The following ACER1 variants were observed in gnomAD, a reference collection of about 807,000 sequenced individuals.
ACER1 encodes the protein alkaline ceramidase 1, also known as CTB-180A7.3.
In ACER1, 28 loss-of-function variants were observed where a neutral mutation model predicts 24.9. That is an observed-to-expected ratio of 1.13 (90% CI 0.83 to 1.54). ACER1 has a LOEUF of 1.54. Among genes scored for constraint, ACER1 ranks in the 40% most tolerant of loss-of-function variants. The pLI, the probability that ACER1 is intolerant of heterozygous loss-of-function variation, is 0.00. For synonymous variants in ACER1, 132 were observed against 131.4 expected (o/e 1.00, Z -0.03); for missense variants, 352 against 349.3 (o/e 1.01, Z -0.06).
At chr19:6,324,636 G>A (rs112140743) in intron 1 of ACER1, among the ~76,000 whole-genome samples, 6,544 of 151,352 alleles carry the variant, frequency 0.043, 223 homozygotes, top group East Asian at 0.18. Flanking sequence ...GTGGTGGCAC[G>A]TGCCTGTAAT....
At chr19:6,315,630 C>T (rs754744492) in intron 1 of ACER1, among the ~76,000 whole-genome samples, 8 of 152,102 alleles carry the variant, frequency 5.3e-5, no homozygotes, top group Non-Finnish European at 8.8e-5. Flanking sequence ...CCACCCTCCT[C>T]GGCTTCCCAA....
At chr19:6,337,655 T>TTCTC (rs2091719779), upstream of ACER1, among the ~76,000 whole-genome samples, 2 of 118,022 alleles carry the variant, frequency 1.7e-5, no homozygotes, top group African/African-American at 7.8e-5. Context: ...TTTTCTTTCT[T>TTCTC]TCTTTCTTTT....
At chr19:6,311,647 AG>A (rs1224595262) in intron 3 of ACER1, among the ~76,000 whole-genome samples, 5 of 149,394 alleles carry the variant, frequency 3.3e-5, no homozygotes, top group African/African-American at 1.2e-4. Flanking sequence ...AAGAAGAAGA[AG>A]GAGAAGGAGG....
intron 1 of ACER1, among the ~76,000 whole-genome samples, chr19:6,326,449 G>A (rs1178335941): frequency 1.3e-5 from 2 of 151,638 alleles, no homozygotes; most frequent in East Asian, 3.9e-4. Flanking sequence ...ATCTTTTGTA[G>A]TGATGGGGTC....
At chr19:6,341,146 G>A in the ACER1 span, among the ~76,000 whole-genome samples, 1 of 150,666 alleles carries the variant, frequency 6.6e-6, no homozygotes, top group Non-Finnish European at 1.5e-5. Flanking sequence ...TGTTGCCCAG[G>A]CTGGAGTGCA....
chr19:6,342,515 T>C, the ACER1 span, among the ~76,000 whole-genome samples: 3 of 151,646 alleles, frequency 2.0e-5, no homozygotes, highest in African/African-American at 4.8e-5. Context: ...GTCAGGAGAT[T>C]GAGACCATCC....
At chr19:6,329,883 T>A (rs942859431) in intron 1 of ACER1, among the ~76,000 whole-genome samples, 1 of 151,386 alleles carries the variant, frequency 6.6e-6, no homozygotes, top group African/African-American at 2.4e-5. Context: ...TAATTTTTTT[T>A]TTTTTGAGAT....
chr19:6,332,948 C>A lies in ACER1; in HGVS notation c.93+511G>T, dbSNP rs116902997. On this transcript the variant is annotated intron_variant, in intron 1 of 5. Coordinates refer to ENST00000301452, the MANE Select transcript of ACER1 (RefSeq NM_133492.3). ...CCTTCCAAAGTGCTAGGATTACAGA[C>A]GTGAGCCACCGCGCCCAGCCAAGAG... is the stretch of plus-strand genomic sequence containing the variant. Among the ~76,000 whole-genome samples, 20 of 152,146 alleles carry A rather than the reference C, an allele frequency of 1.3e-4. No homozygotes were observed. The South Asian group carries it at 4.1e-3, about 32-fold the overall frequency.
At chr19:6,340,579 T>C in the ACER1 span, among the ~76,000 whole-genome samples, 1 of 152,124 alleles carries the variant, frequency 6.6e-6, no homozygotes, top group Non-Finnish European at 1.5e-5. Flanking sequence ...GCTCTGTGTG[T>C]GGGTGGAGCA....
chr19:6,355,623 G>T, the ACER1 span, among the ~76,000 whole-genome samples: 1 of 148,814 alleles, frequency 6.7e-6, no homozygotes, highest in Non-Finnish European at 1.5e-5. Flanking sequence ...AGGGAGGTGG[G>T]GGGGGTCAGC....
chr19:6,339,119 C>T, the ACER1 span, among the ~76,000 whole-genome samples: 4,563 of 151,924 alleles, frequency 0.03, 225 homozygotes, highest in African/African-American at 0.1. Flanking sequence ...TCAGGTGATC[C>T]GCCTGCCTCA....
the ACER1 span, among the ~76,000 whole-genome samples, chr19:6,340,820 C>A: frequency 5.3e-5 from 8 of 152,102 alleles, no homozygotes; most frequent in Admixed American, 5.2e-4. Context: ...AGAGAAGGGG[C>A]TAGAGAGAGG....
chr19:6,321,148 T>C (rs954984796), intron 1 of ACER1, among the ~76,000 whole-genome samples: 5 of 152,024 alleles, frequency 3.3e-5, no homozygotes, highest in African/African-American at 1.2e-4. Context: ...TTCTTTTTTT[T>C]TTTTTGAGAC....
the ACER1 span, among the ~76,000 whole-genome samples, chr19:6,354,551 A>C: frequency 6.6e-6 from 1 of 152,198 alleles, no homozygotes; most frequent in Non-Finnish European, 1.5e-5. Flanking sequence ...AATAAGTTTC[A>C]TTTTATAAGA....
At chr19:6,338,073 C>T (rs1311952369), upstream of ACER1, among the ~76,000 whole-genome samples, 4 of 150,500 alleles carry the variant, frequency 2.7e-5, no homozygotes, top group Non-Finnish European at 4.4e-5. Flanking sequence ...AAGAGGGAAA[C>T]CCTGTCTCAA....
chr19:6,358,700 G>A, the ACER1 span, among the ~76,000 whole-genome samples: 1 of 151,622 alleles, frequency 6.6e-6, no homozygotes, highest in Non-Finnish European at 1.5e-5. Flanking sequence ...TTGGGAGGCT[G>A]AGGCGGGTGG....
the ACER1 span, among the ~76,000 whole-genome samples, chr19:6,344,952 G>A: frequency 4.6e-5 from 7 of 151,066 alleles, no homozygotes; most frequent in Admixed American, 2.0e-4. Context: ...TGCAACCTCC[G>A]CCTCCCGGGT....
At chr19:6,347,109 A>AAAAATATATATAT in the ACER1 span, among the ~76,000 whole-genome samples, 202 of 113,712 alleles carry the variant, frequency 1.8e-3, 1 homozygote, top group African/African-American at 7.4e-3. Context: ...AAAAAAAAAA[A>AAAAATATATATAT]ATATATATAT....
At chr19:6,323,248 A>G (rs544314376) in intron 1 of ACER1, among the ~76,000 whole-genome samples, 26 of 152,178 alleles carry the variant, frequency 1.7e-4, no homozygotes, top group South Asian at 8.3e-4. Flanking sequence ...GTGAAACCCC[A>G]TCTCTACTAA....
Sources: gnomAD v4.1 joint callset for allele counts (sites outside exome capture counted in the v4.1 genomes callset) on GRCh38, gnomAD v4.1.1 for gene constraint, MANE v1.5 for transcripts, NCBI Gene and HGNC (gene_info 2026-07-23, HGNC 2026-07-21) for gene names.